Variants in ZNF805 observed in about 807,000 individuals in gnomAD.
ZNF805 encodes zinc finger protein 805.
A neutral mutation model predicts 13.6 loss-of-function variants in ZNF805; 7 were observed. The ratio of observed to expected loss-of-function variants is 0.51; its 90% CI spans 0.29 to 0.97. The LOEUF (loss-of-function observed/expected upper bound fraction) is 0.97. ZNF805 is among the 50% of genes least tolerant of loss of function. The pLI, the probability that ZNF805 is intolerant of heterozygous loss-of-function variation, is 0.08. For missense variants in ZNF805, 604 were observed against 771.0 expected (o/e 0.78, Z 2.57); for synonymous variants, 293 against 279.8 (o/e 1.05, Z -0.47).
intron 2 of ZNF805, 134 bp from the exon 3 acceptor site, chr19:57,248,471 T>G (rs1403002786): frequency 1.3e-6 from 1 of 779,236 alleles, no homozygotes; most frequent in Non-Finnish European, 2.1e-6. Flanking sequence ...GATCACGTGC[T>G]AACTTTTTGT....
intron 2 of ZNF805, among the ~76,000 whole-genome samples, chr19:57,244,510 C>T (rs1247765634): frequency 2.6e-5 from 4 of 152,116 alleles, no homozygotes; most frequent in African/African-American, 9.7e-5. Flanking sequence ...CACGCCTGGC[C>T]TACACTCACC....
chr19:57,253,567 C>G lies in ZNF805; in HGVS notation c.748C>G (p.His250Asp). Residue 250 changes from histidine (H) to aspartate (D), a missense_variant, in exon 4 of 4, where the codon CAC becomes GAC. Around this residue, in one of 3 missense-constraint regions of ZNF805, gnomAD observed 327 missense variants for 378.2 expected, o/e 0.86. Transcript: ENST00000414468. The surrounding 1 kb of genome is among the most constrained non-coding windows in gnomAD (Gnocchi z 4.4). ...FSKSTYLLQH[H>D]MVHTGEKPYK... ...CAAGAGTACATACCTCCTGCAGCAC[C>G]ACATGGTCCACACTGGGGAGAAGCC... 6.2e-7 allele frequency: 1 copy of G among 1,613,994 alleles called. No individual in the cohort carries two copies. The highest frequency in any genetic ancestry group is 8.5e-7 in the Non-Finnish European group (1 of 1,179,940).
chr19:57,260,234 C>A lies in ZNF805; in HGVS notation c.*5531C>A, dbSNP rs146897602. ...CATACTCTTGTTTAGTCTTTAACTT[C>A]TCCTTATTAACCAGCTTCTTTCCCA... On this transcript the variant is annotated 3_prime_UTR_variant, in exon 4 of 4. Coordinates refer to ENST00000414468, the MANE Select transcript of ZNF805 (RefSeq NM_001023563.4). Among the ~76,000 whole-genome samples, 625 of 152,316 alleles carry A rather than the reference C, an allele frequency of 4.1e-3. 4 individuals carry two copies. Among genetic ancestry groups the A allele is most frequent in the Non-Finnish European group, 6.6e-3 (448 of 68,018 alleles).
rs2087679389 is a variant in ZNF805 at position 57,255,030 on chromosome 19, C to G, written c.*327C>G. 2 of 232,218 alleles carry G rather than the reference C, an allele frequency of 8.6e-6. No individual in the cohort carries two copies. The highest frequency in any genetic ancestry group is 1.8e-5 in the Non-Finnish European group (2 of 110,124). The allele number at this position is 232,218 out of a possible 1,614,324, so 14.4% of individuals were successfully genotyped here. A position where few individuals can be genotyped will look rare whatever the true frequency, so the allele number is the denominator to read the frequency against. ...TGGAAACTTACTCAATGTCTTTGTT[C>G]TACAACATTGTCTCTTCTTAAGAAG... On this transcript the variant is annotated 3_prime_UTR_variant, in exon 4 of 4. Coordinates refer to ENST00000414468, the MANE Select transcript of ZNF805 (RefSeq NM_001023563.4).
At position 57,254,523 on chromosome 19, in the gene ZNF805, T is replaced by G; in HGVS notation, c.1704T>G (p.Ser568Arg). Residue 568 changes from serine (S) to arginine (R), a missense_variant, in exon 4 of 4, where the codon AGT becomes AGG. By Grantham distance (110) the Ser-to-Arg change is moderately radical. Transcript: ENST00000414468. Reference sequence around the variant, plus strand: ...TGCATACTGGGAGAAATCCTATCAGTGTAACAGATGTGGGAAGACCTTTTA... The same window carrying G: ...TGCATACTGGGAGAAATCCTATCAGGGTAACAGATGTGGGAAGACCTTTTA... ...QRMHTGRNPI[S>R]VTDVGRPFTS... 1 of 1,614,232 alleles carries G rather than the reference T, an allele frequency of 6.2e-7. No individual in the cohort carries two copies. The highest frequency in any genetic ancestry group is 8.5e-7 in the Non-Finnish European group (1 of 1,180,038).
At chr19:57,244,072 T>A (rs575748732) in intron 2 of ZNF805, 23 bp downstream of exon 2, 2 of 1,608,614 alleles carry the variant, frequency 1.2e-6, no homozygotes, top group African/African-American at 2.7e-5. Flanking sequence ...CCCTCCACCA[T>A]GCAGGGGATC....
chr19:57,245,120 C>A (rs10426703), intron 2 of ZNF805, among the ~76,000 whole-genome samples: 26,642 of 152,112 alleles, frequency 0.18, 2,467 homozygotes, highest in South Asian at 0.18. Context: ...AGGTGTTATT[C>A]TAAACAACCT....
intron 3 of ZNF805, 106 bp downstream of exon 3, chr19:57,248,806 A>C: frequency 3.8e-6 from 4 of 1,045,442 alleles, no homozygotes; most frequent in Non-Finnish European, 5.8e-6. Flanking sequence ...GGCTTCTCTA[A>C]GGGTTTGGGA....
chr19:57,245,633 G>A (rs1337907929), intron 2 of ZNF805, among the ~76,000 whole-genome samples: 1 of 150,132 alleles, frequency 6.7e-6, no homozygotes, highest in Non-Finnish European at 1.5e-5. Flanking sequence ...CAAAAAATTA[G>A]CCGGGCGTGG....
intron 3 of ZNF805, among the ~76,000 whole-genome samples, chr19:57,251,858 G>GTAGTC (rs2087654297): frequency 6.6e-6 from 1 of 152,132 alleles, no homozygotes; most frequent in Non-Finnish European, 1.5e-5. Context: ...TAATTCCTTA[G>GTAGTC]TAGTCTCTCA....
Position 57,240,637 on chromosome 19 carries a change from C to T in ZNF805, c.-255C>T, listed in dbSNP as rs2087572299. On this transcript the variant is annotated 5_prime_UTR_variant, in exon 1 of 4. Transcript: ENST00000414468. The stretch of plus-strand genomic sequence containing the variant: ...GGACGTAATTTGGGAGCGACGGTTC[C>T]GTCCACGCCGGCTCTAGGGAGGGGG... 2 of 485,316 alleles carry T rather than the reference C, an allele frequency of 4.1e-6. No homozygotes were observed. The highest frequency in any genetic ancestry group is 7.0e-5 in the South Asian group (2 of 28,664). 30.1% of individuals were successfully genotyped at this position (485,316 alleles called of 1,614,324 possible).
Position 57,253,527 on chromosome 19 carries a change from T to C in ZNF805, c.708T>C (p.Cys236=). ...TGAAGCCCTATGAATGCACAGAGTG[T>C]GGAAAAACCTTTAGCAAGAGTACAT... The part of the protein sequence containing the change: ...SGVKPYECTE[C]GKTFSKSTYL... Residue 236 remains cysteine, a synonymous_variant, in exon 4 of 4, where the codon TGT becomes TGC. Transcript: ENST00000414468. This position sits in a 1 kb window ranked among gnomAD's most constrained non-coding sequence, Gnocchi z 4.4. 6.2e-7 allele frequency: 1 copy of C among 1,612,532 alleles called. No individual in the cohort carries two copies. Among genetic ancestry groups the C allele is most frequent in the Non-Finnish European group, 8.5e-7 (1 of 1,179,184 alleles).
intron 2 of ZNF805, among the ~76,000 whole-genome samples, chr19:57,245,563 A>G (rs1365131074): frequency 1.3e-5 from 2 of 150,148 alleles, no homozygotes; most frequent in Non-Finnish European, 3.0e-5. Flanking sequence ...GCGGATCACA[A>G]GGTCAGGAGA....
At chr19:57,241,120 G>A (rs901653925) in intron 1 of ZNF805, among the ~76,000 whole-genome samples, 199 bp downstream of exon 1, 2 of 152,136 alleles carry the variant, frequency 1.3e-5, no homozygotes, top group Non-Finnish European at 2.9e-5. Context: ...ACAGTAGGCA[G>A]ACTATACATC....
chr19:57,251,397 G>C (rs1026378947), intron 3 of ZNF805, among the ~76,000 whole-genome samples: 3 of 152,120 alleles, frequency 2.0e-5, no homozygotes, highest in African/African-American at 7.2e-5. Flanking sequence ...TGTCTTTCAT[G>C]ATTCTGAGCC....
rs2087717724 is a variant in ZNF805, at chr19:57,260,488, ACT to A, written c.*5790_*5791del. Among the ~76,000 whole-genome samples the A allele has an allele frequency of 6.6e-6, 1 of 151,348 alleles. No homozygotes were observed. Among genetic ancestry groups the A allele is most frequent in the African/African-American group, 2.4e-5 (1 of 41,126 alleles). On this transcript the variant is annotated 3_prime_UTR_variant, in exon 4 of 4. Coordinates refer to ENST00000414468, the MANE Select transcript of ZNF805 (RefSeq NM_001023563.4). ...CAGAAAGGTCCCTTTTGACCCCCTC[ACT>A]CTCTTTTTGGACCTCCATACTGCTA...
intron 3 of ZNF805, among the ~76,000 whole-genome samples, chr19:57,250,891 T>C (rs1284902653): frequency 6.6e-6 from 1 of 152,234 alleles, no homozygotes; most frequent in South Asian, 2.1e-4. Context: ...TACGTTTTCA[T>C]GGACGTTTTT....
At chr19:57,247,670 T>C (rs2087627530) in intron 2 of ZNF805, among the ~76,000 whole-genome samples, 1 of 152,222 alleles carries the variant, frequency 6.6e-6, no homozygotes, top group Non-Finnish European at 1.5e-5. Context: ...GTCCTCATCA[T>C]GATTATTGTC....
rs55937732 is a variant in ZNF805, at chr19:57,262,350, GA to G, written c.*7660del. On this transcript the variant is annotated 3_prime_UTR_variant, in exon 4 of 4. Transcript: ENST00000414468. ...TATACGTGTAAACCATTGTAACCAA[GA>G]AAAAAAAAAAAAGTCAGAGTCACAG... 0.022 allele frequency: 3,379 copies of G among 154,806 alleles called. 114 individuals are homozygous for G. The highest frequency in any genetic ancestry group is 0.077 in the African/African-American group (2,971 of 38,610). 9.6% of individuals were successfully genotyped at this position (154,806 alleles called of 1,614,324 possible).
Sources: gnomAD v4.1 joint callset for allele counts (sites outside exome capture counted in the v4.1 genomes callset) on GRCh38, gnomAD v4.1.1 for gene constraint, gnomAD v4.1.1 regional missense constraint, Gnocchi (gnomAD v3.1) non-coding constraint, MANE v1.5 for transcripts, NCBI Gene and HGNC (gene_info 2026-07-23, HGNC 2026-07-21) for gene names.